The following ARFGEF1 variants were observed in gnomAD, a reference collection of about 807,000 sequenced individuals.
ARFGEF1 encodes ARF guanine nucleotide exchange factor 1.
Under a neutral mutation model 231.0 loss-of-function variants are expected in ARFGEF1, and 42 were observed. The ratio of observed to expected loss-of-function variants is 0.18; its 90% confidence interval spans 0.14 to 0.24. The LOEUF is 0.24. Among genes scored for constraint, ARFGEF1 ranks in the 10% least tolerant of loss-of-function variants. The probability of loss-of-function intolerance (pLI) is 1.00; values close to 1 mark genes in which losing one functional copy is unlikely to be tolerated. For synonymous variants in ARFGEF1, 710 were observed against 732.3 expected (o/e 0.97, Z 0.49); for missense variants, 1,345 against 2,192.0 (o/e 0.61, Z 7.72).
chr8:67,286,573 C>T (rs1335496332), intron 7 of ARFGEF1, among the ~76,000 whole-genome samples: 1 of 152,142 alleles, frequency 6.6e-6, no homozygotes, highest in Admixed American at 6.5e-5. Context: ...ATTTTACATA[C>T]AAAAATAGGT....
At chr8:67,261,499 T>C (rs533016866) in intron 14 of ARFGEF1, among the ~76,000 whole-genome samples, 3 of 152,334 alleles carry the variant, frequency 2.0e-5, no homozygotes, top group East Asian at 1.9e-4. Context: ...GACTGAATAT[T>C]TGAAGCCCAC....
At chr8:67,297,425 C>T (rs1402268053) in intron 4 of ARFGEF1, among the ~76,000 whole-genome samples, 1 of 151,836 alleles carries the variant, frequency 6.6e-6, no homozygotes, top group Admixed American at 6.6e-5. Flanking sequence ...TAAAATAATC[C>T]CAAAGTAGCT....
At chr8:67,333,122 A>T (rs1210770399) in intron 1 of ARFGEF1, among the ~76,000 whole-genome samples, 2 of 145,814 alleles carry the variant, frequency 1.4e-5, no homozygotes, top group Non-Finnish European at 3.0e-5. Flanking sequence ...TGCAACCTCC[A>T]CCTCCCGGGA....
chr8:67,298,847 C>A (rs577324055), intron 4 of ARFGEF1, among the ~76,000 whole-genome samples: 199 of 152,298 alleles, frequency 1.3e-3, no homozygotes, highest in Non-Finnish European at 2.2e-3. Flanking sequence ...CTCACTGCAA[C>A]CTCCGCCTCC....
intron 1 of ARFGEF1, among the ~76,000 whole-genome samples, chr8:67,339,790 T>TGGGGTGGG (rs1479485264): frequency 7.1e-3 from 3 of 422 alleles, no homozygotes; most frequent in African/African-American, 0.015. Context: ...TGTAACAGTG[T>TGGGGTGGG]GGGGCGGGGG....
At chr8:67,273,558 C>T (rs377688396) in intron 9 of ARFGEF1, among the ~76,000 whole-genome samples, 44 of 151,514 alleles carry the variant, frequency 2.9e-4, no homozygotes, top group Non-Finnish European at 4.0e-4. Flanking sequence ...CAAGAAGCTA[C>T]GTAAATCTAA....
rs1415414456 is a variant in ARFGEF1, at chr8:67,227,121, C to T, written c.3916+16G>A. On this transcript the variant is annotated intron_variant, in intron 27 of 38. Coordinates refer to ENST00000262215, the MANE Select transcript of ARFGEF1 (RefSeq NM_006421.5). ...TTTTTTTCCTTTTACTTGAACACAGCTAAGAGAATACTCACTGACAATGTG... is the reference window on the plus strand; with the variant it reads ...TTTTTTTCCTTTTACTTGAACACAGTTAAGAGAATACTCACTGACAATGTG... The T allele has an allele frequency of 1.9e-6, 3 of 1,602,106 alleles. No individual in the cohort carries two copies. Among genetic ancestry groups the T allele is most frequent in the Non-Finnish European group, 2.6e-6 (3 of 1,172,782 alleles).
intron 1 of ARFGEF1, among the ~76,000 whole-genome samples, chr8:67,340,239 G>T (rs1009625819): frequency 1.3e-5 from 2 of 152,156 alleles, no homozygotes; most frequent in African/African-American, 4.8e-5. Context: ...TCTCCCTTCA[G>T]CTGTATGCTC....
At chr8:67,214,354 T>C (rs569183729) in intron 33 of ARFGEF1, among the ~76,000 whole-genome samples, 9 of 152,190 alleles carry the variant, frequency 5.9e-5, no homozygotes, top group Non-Finnish European at 1.3e-4. Flanking sequence ...AGTGATGATA[T>C]GTAGTTGAGA....
intron 1 of ARFGEF1, among the ~76,000 whole-genome samples, chr8:67,310,312 C>T (rs939277401): frequency 6.6e-5 from 10 of 152,200 alleles, no homozygotes; most frequent in African/African-American, 7.2e-5. Flanking sequence ...TTGGCCGGGC[C>T]GGTCTCCAGC....
chr8:67,257,967 G>T, intron 16 of ARFGEF1, 118 bp downstream of exon 16: 1 of 1,169,138 alleles, frequency 8.6e-7, no homozygotes, highest in Non-Finnish European at 1.2e-6. Context: ...CCAGATTGTA[G>T]ACAATCTAAA....
chr8:67,204,321 TAACAAGC>T (rs1477726666), intron 35 of ARFGEF1, among the ~76,000 whole-genome samples: 1 of 152,222 alleles, frequency 6.6e-6, no homozygotes, highest in Non-Finnish European at 1.5e-5. Context: ...CCAGAGCATT[TAACAAGC>T]GACTGATCAC....
At position 67,343,361 on chromosome 8, in the gene ARFGEF1, A is replaced by T. The variant is rs1458306186; in HGVS notation, c.-74T>A. The T allele has an allele frequency of 1.3e-6, 2 of 1,483,220 alleles. No homozygotes were observed. The highest frequency in any genetic ancestry group is 1.8e-6 in the Non-Finnish European group (2 of 1,101,128). 91.9% of individuals were successfully genotyped at this position (1,483,220 alleles called of 1,614,324 possible). A position where few individuals can be genotyped will look rare whatever the true frequency, so the allele number is the denominator to read the frequency against. On this transcript the variant is annotated 5_prime_UTR_variant, in exon 1 of 39. Coordinates refer to ENST00000262215, the MANE Select transcript of ARFGEF1 (RefSeq NM_006421.5). The stretch of plus-strand genomic sequence containing the variant: ...GCTGGAGGGGAGGAGGAGGAGAGGA[A>T]GGAAGAGAAGAGAGAAAGGAGAGGG...
chr8:67,285,750 T>C (rs1805731878), intron 7 of ARFGEF1, among the ~76,000 whole-genome samples: 1 of 152,190 alleles, frequency 6.6e-6, no homozygotes, highest in Non-Finnish European at 1.5e-5. Flanking sequence ...TGCAGTATTT[T>C]TGCCAAATAT....
At chr8:67,331,999 TA>T (rs1203368792) in intron 1 of ARFGEF1, among the ~76,000 whole-genome samples, 4 of 150,688 alleles carry the variant, frequency 2.7e-5, no homozygotes, top group East Asian at 1.9e-4. Context: ...GGGATTAATT[TA>T]AAAAAAAAAT....
At chr8:67,316,072 C>CT (rs987957872) in intron 1 of ARFGEF1, among the ~76,000 whole-genome samples, 3 of 151,924 alleles carry the variant, frequency 2.0e-5, no homozygotes, top group Non-Finnish European at 4.4e-5. Flanking sequence ...GAAACTCCAA[C>CT]AAGAGGAAAG....
At chr8:67,203,391 AAGGTCCACCTTCC>A in intron 35 of ARFGEF1, 140 bp from the exon 36 acceptor site, 1 of 962,180 alleles carries the variant, frequency 1.0e-6, no homozygotes. Flanking sequence ...AAAGTAAGGG[AAGGTCCACCTTCC>A]AGTACGCATC....
At chr8:67,249,143 A>G (rs1001212112) in intron 19 of ARFGEF1, among the ~76,000 whole-genome samples, 1 of 150,430 alleles carries the variant, frequency 6.6e-6, no homozygotes, top group African/African-American at 2.5e-5. Context: ...GTACATGTAT[A>G]TAAATAATGT....
downstream of ARFGEF1, among the ~76,000 whole-genome samples, chr8:67,195,028 C>T (rs896287260): frequency 1.3e-5 from 2 of 152,202 alleles, no homozygotes; most frequent in Non-Finnish European, 2.9e-5. Context: ...CATTAGGCTT[C>T]TCCTGAGGTA....
Sources: gnomAD v4.1 joint callset for allele counts (sites outside exome capture counted in the v4.1 genomes callset) on GRCh38, gnomAD v4.1.1 for gene constraint, MANE v1.5 for transcripts, NCBI Gene and HGNC (gene_info 2026-07-23, HGNC 2026-07-21) for gene names.